The following AKR1A1 variants were observed in gnomAD, a reference collection of about 807,000 sequenced individuals.
AKR1A1 encodes the protein aldo-keto reductase family 1 member A1, also known as HEL-S-165mP.
AKR1A1 carries 26 observed loss-of-function variants against 39.2 expected under a neutral mutation model. The ratio of observed to expected loss-of-function variants is 0.66; its 90% CI spans 0.49 to 0.92. The LOEUF (loss-of-function observed/expected upper bound fraction) is 0.92, where lower values mean the gene tolerates loss of function less well. Ranked by LOEUF, AKR1A1 falls within the 40% of genes least tolerant of loss-of-function variation. AKR1A1 has a pLI of 0.00. For synonymous variants in AKR1A1, 141 were observed against 155.5 expected, an observed-to-expected ratio of 0.91 and a Z score of 0.69; for missense variants, 378 against 406.5, an observed-to-expected ratio of 0.93 and a Z score of 0.60.
At chr1:45,560,369 T>G (rs1382137530) in intron 1 of AKR1A1, among the ~76,000 whole-genome samples, 1 of 152,200 alleles carries the variant, frequency 6.6e-6, no homozygotes, top group Non-Finnish European at 1.5e-5. Context: ...TCCCAGCAAC[T>G]CAGGGTGCTG....
Position 45,568,468 on chromosome 1 carries a change from G to T in AKR1A1, c.553-17G>T. The T allele has an allele frequency of 5.0e-6, 8 of 1,613,266 alleles. No individual in the cohort carries two copies. The highest frequency in any genetic ancestry group is 6.8e-6 in the Non-Finnish European group (8 of 1,179,944). ...GGGTGTCACCACTTCATGGTGATGG[G>T]TTATTCTTTGGCTCAGGTGGAATGC... On this transcript the variant is annotated splice_polypyrimidine_tract_variant and intron_variant, in intron 5 of 8. Transcript: ENST00000351829.
chr1:45,557,415 C>G (rs1470694764), intron 1 of AKR1A1, among the ~76,000 whole-genome samples: 1 of 152,132 alleles, frequency 6.6e-6, no homozygotes, highest in Non-Finnish European at 1.5e-5. Context: ...CTAGGGAGCT[C>G]TTGTTCTTTG....
At chr1:45,554,144 A>T (rs1424067922) in intron 1 of AKR1A1, among the ~76,000 whole-genome samples, 1 of 152,060 alleles carries the variant, frequency 6.6e-6, no homozygotes, top group Non-Finnish European at 1.5e-5. Context: ...AAGAAAAATA[A>T]GGCCAGGCAT....
In AKR1A1 at chr1:45,561,907, T is replaced by C. The variant is rs1236029690; in HGVS notation, c.84+29T>C. On this transcript the variant is annotated intron_variant, in intron 2 of 8. Coordinates refer to ENST00000351829, the MANE Select transcript of AKR1A1 (RefSeq NM_153326.3). ...AGGGATGGGGGAAGAAAAAAGAAAC[T>C]TGTTGAGCCTCTGCCTGCATTTTCC... The C allele has an allele frequency of 1.9e-6, 3 of 1,609,006 alleles. No homozygotes were observed. The South Asian group carries it at 3.3e-5, about 18-fold the overall frequency.
At chr1:45,559,173 C>T (rs1157561711) in intron 1 of AKR1A1, among the ~76,000 whole-genome samples, 1 of 152,210 alleles carries the variant, frequency 6.6e-6, no homozygotes, top group Non-Finnish European at 1.5e-5. Flanking sequence ...GTACTGATAT[C>T]ACCTGTTCCC....
intron 1 of AKR1A1, among the ~76,000 whole-genome samples, chr1:45,552,735 T>C (rs1323334672): frequency 3.3e-5 from 5 of 152,138 alleles, no homozygotes; most frequent in African/African-American, 9.7e-5. Context: ...GGAGAATTGC[T>C]GGAAGGGTTT....
At chr1:45,559,634 C>CTTTT (rs71056306) in intron 1 of AKR1A1, among the ~76,000 whole-genome samples, 515 of 73,140 alleles carry the variant, frequency 7.0e-3, no homozygotes, top group Non-Finnish European at 0.01. Flanking sequence ...CTTTTCTTTT[C>CTTTT]TTTTTTTTTT....
chr1:45,554,472 G>T (rs1644174607), intron 1 of AKR1A1, among the ~76,000 whole-genome samples: 1 of 151,882 alleles, frequency 6.6e-6, no homozygotes, highest in Non-Finnish European at 1.5e-5. Context: ...ACATGTGCCT[G>T]TAGTCCCAGC....
intron 1 of AKR1A1, among the ~76,000 whole-genome samples, chr1:45,557,927 T>TTTTTTTTTTA (rs1644227267): frequency 6.7e-6 from 1 of 148,252 alleles, no homozygotes; most frequent in African/African-American, 2.5e-5. Context: ...TTTTTTTTTT[T>TTTTTTTTTTA]GAGATGGAGC....
chr1:45,569,208 A>G lies in AKR1A1; in HGVS notation c.891A>G (p.Arg297=). 2 of 1,614,012 alleles carry G rather than the reference A, an allele frequency of 1.2e-6. No homozygotes were observed. Among genetic ancestry groups the G allele is most frequent in the Non-Finnish European group, 1.7e-6 (2 of 1,179,926 alleles). The change falls in exon 8 of 9, where the codon AGA becomes AGG. Residue 297 remains arginine (R), a synonymous_variant. Coordinates refer to ENST00000351829, the MANE Select transcript of AKR1A1 (RefSeq NM_153326.3). ...KQLNALNKNW[R]YIVPMLTVDG... Reference sequence around the variant, plus strand: ...TAAATGCCCTGAACAAAAATTGGAGATATATTGTGCCTATGCTTACGGTGA... The same window carrying G: ...TAAATGCCCTGAACAAAAATTGGAGGTATATTGTGCCTATGCTTACGGTGA...
In AKR1A1 at chr1:45,566,613, CATTG is replaced by C. The variant is rs1425830257; in HGVS notation, c.134_137del (p.Asp45ValfsTer15). 1.2e-6 allele frequency: 2 copies of C among 1,614,262 alleles called. No individual in the cohort carries two copies. Among genetic ancestry groups the C allele is most frequent in the Non-Finnish European group, 1.7e-6 (2 of 1,180,054 alleles). On this transcript the variant is annotated frameshift_variant, in exon 3 of 9. Coordinates refer to ENST00000351829, the MANE Select transcript of AKR1A1 (RefSeq NM_153326.3). LOFTEE classifies it high-confidence loss of function. Reference sequence around the variant, plus strand: ...ATGCCCTTAGCGTAGGCTACCGCCACATTGATTGTGCTGCTATCTACGGCAATGA... The same window carrying C: ...ATGCCCTTAGCGTAGGCTACCGCCACATTGTGCTGCTATCTACGGCAATGA...
chr1:45,566,824 C>T (rs143282141), intron 3 of AKR1A1, 45 bp from the exon 4 acceptor site: 12 of 1,602,442 alleles, frequency 7.5e-6, no homozygotes, highest in East Asian at 4.5e-5. Flanking sequence ...GGTGAGACCA[C>T]GTGCTCATGG....
chr1:45,569,381 T>C (rs1372125091), intron 8 of AKR1A1, 152 bp downstream of exon 8: 1 of 685,722 alleles, frequency 1.5e-6, no homozygotes, highest in Non-Finnish European at 2.6e-6. Flanking sequence ...TTTCTCTTTA[T>C]TGAGCTCAGG....
At chr1:45,563,065 T>C (rs1201530470) in intron 2 of AKR1A1, among the ~76,000 whole-genome samples, 1 of 124,318 alleles carries the variant, frequency 8.0e-6, no homozygotes, top group Non-Finnish European at 1.7e-5. Context: ...CCTATGATCA[T>C]GCCACTGCAC....
Position 45,551,016 on chromosome 1 carries a change from A to T in AKR1A1, c.-146A>T, listed in dbSNP as rs546869412. 126 of 152,590 alleles carry T rather than the reference A, an allele frequency of 8.3e-4. No homozygotes were observed. Among genetic ancestry groups the T allele is most frequent in the Non-Finnish European group, 1.6e-3 (108 of 68,242 alleles). The allele number at this position is 152,590 out of a possible 1,614,324, so 9.5% of individuals were successfully genotyped here. A position where few individuals can be genotyped will look rare whatever the true frequency, so the allele number is the denominator to read the frequency against. ...CGGTCCACCCTGCGCGTGATCCTTTATGCCCGGCCCCTGCCCCTCCCTCCG... is the reference window on the plus strand; with the variant it reads ...CGGTCCACCCTGCGCGTGATCCTTTTTGCCCGGCCCCTGCCCCTCCCTCCG... On this transcript the variant is annotated 5_prime_UTR_variant, in exon 1 of 9. It removes an upstream start codon present in the reference 5' UTR. Coordinates refer to ENST00000351829, the MANE Select transcript of AKR1A1 (RefSeq NM_153326.3).
At chr1:45,564,113 G>T (rs1644310252) in intron 2 of AKR1A1, among the ~76,000 whole-genome samples, 1 of 152,204 alleles carries the variant, frequency 6.6e-6, no homozygotes, top group Non-Finnish European at 1.5e-5. Flanking sequence ...ACTGATGTTT[G>T]TGGTGTGCTT....
intron 2 of AKR1A1, among the ~76,000 whole-genome samples, chr1:45,565,815 A>G (rs181385414): frequency 6.7e-6 from 1 of 149,456 alleles, no homozygotes; most frequent in East Asian, 2.0e-4. Context: ...GGGTCTCACT[A>G]TGTTGACTAG....
At chr1:45,552,461 C>G (rs1025715982) in intron 1 of AKR1A1, 1 of 152,128 alleles carries the variant, frequency 6.6e-6, no homozygotes, top group African/African-American at 2.4e-5. Flanking sequence ...CCCGCCTCAG[C>G]CTGCCCAGGT....
chr1:45,562,300 T>A (rs955647028), intron 2 of AKR1A1, among the ~76,000 whole-genome samples: 2 of 151,958 alleles, frequency 1.3e-5, no homozygotes, highest in African/African-American at 4.8e-5. Context: ...ACTAGGTGAA[T>A]TGTATATTGT....
Sources: gnomAD v4.1 joint callset for allele counts (sites outside exome capture counted in the v4.1 genomes callset) on GRCh38, gnomAD v4.1.1 for gene constraint, MANE v1.5 for transcripts, NCBI Gene and HGNC (gene_info 2026-07-23, HGNC 2026-07-21) for gene names.